The following VAV3 variants were observed in gnomAD, a reference collection of about 807,000 sequenced individuals.
The protein encoded by VAV3 is guanine nucleotide exchange factor VAV3.
VAV3 carries 94 observed loss-of-function variants against 131.2 expected under a neutral mutation model. That is an observed-to-expected ratio of 0.72 (90% CI 0.61 to 0.85). The LOEUF is 0.85. Among genes scored for constraint, VAV3 ranks in the 40% least tolerant of loss-of-function variants. The pLI is 0.00. For synonymous variants in VAV3, 349 were observed against 342.0 expected (o/e 1.02, Z -0.22); for missense variants, 939 against 1,002.7 (o/e 0.94, Z 0.86).
At chr1:107,628,289 T>C (rs1020780215) in intron 20 of VAV3, among the ~76,000 whole-genome samples, 3 of 152,106 alleles carry the variant, frequency 2.0e-5, no homozygotes, top group African/African-American at 7.2e-5. Flanking sequence ...AAAAAGCAAG[T>C]CACCTGGACT....
At chr1:107,932,528 T>A (rs1020290749) in intron 1 of VAV3, among the ~76,000 whole-genome samples, 3 of 152,224 alleles carry the variant, frequency 2.0e-5, no homozygotes, top group Admixed American at 6.5e-5. Context: ...GTAAGTATGC[T>A]GGTAGGCTGA....
At chr1:107,870,714 T>A (rs1253013178) in intron 2 of VAV3, among the ~76,000 whole-genome samples, 3 of 152,158 alleles carry the variant, frequency 2.0e-5, no homozygotes, top group Non-Finnish European at 4.4e-5. Context: ...GACTCACCCC[T>A]AAGCTGATGC....
At chr1:107,826,244 G>C (rs1668007963) in intron 2 of VAV3, among the ~76,000 whole-genome samples, 1 of 152,008 alleles carries the variant, frequency 6.6e-6, no homozygotes, top group Non-Finnish European at 1.5e-5. Context: ...GTTATAATAG[G>C]CAAGCTGGAG....
rs757114114 is a variant in VAV3, at chr1:107,874,888, GAAGTAT to G, written c.321+7_321+12del. 1.1e-4 allele frequency: 169 copies of G among 1,603,754 alleles called. No individual in the cohort carries two copies. In the African/African-American group the frequency reaches 1.9e-3, roughly 18 times the overall value. On this transcript the variant is annotated splice_region_variant and intron_variant, in intron 2 of 26. Transcript: ENST00000370056. ...CCAGTTAAAAAGTAGTGTTAAAAAT[GAAGTAT>G]AATTACCTTTCCAAAGTCACGAACA...
chr1:107,878,162 G>A (rs1571081505), intron 1 of VAV3, among the ~76,000 whole-genome samples: 1 of 152,106 alleles, frequency 6.6e-6, no homozygotes. Context: ...ATTTATAAAT[G>A]TATTATGTTC....
chr1:107,860,060 CA>C (rs1669664815), intron 2 of VAV3, among the ~76,000 whole-genome samples: 1 of 152,062 alleles, frequency 6.6e-6, no homozygotes, highest in Non-Finnish European at 1.5e-5. Flanking sequence ...TTAAATTGTT[CA>C]GCAAAAATAG....
intron 15 of VAV3, among the ~76,000 whole-genome samples, chr1:107,728,936 C>A (rs1472073299): frequency 6.6e-6 from 1 of 152,144 alleles, no homozygotes; most frequent in Admixed American, 6.6e-5. Flanking sequence ...TGCAGAAAAT[C>A]CATTAGGTTG....
At chr1:107,873,192 C>T (rs1670329724) in intron 2 of VAV3, among the ~76,000 whole-genome samples, 1 of 152,130 alleles carries the variant, frequency 6.6e-6, no homozygotes, top group Admixed American at 6.6e-5. Flanking sequence ...TATGCTTTCA[C>T]ATTCAATTTT....
At position 107,748,996 on chromosome 1, in the gene VAV3, T is replaced by G. The variant is rs753555981; in HGVS notation, c.1474A>C (p.Lys492Gln). The change falls in exon 15 of 27, where the codon AAA (lysine) becomes CAA (glutamine). Residue 492 changes from lysine (K) to glutamine (Q), a missense_variant. Coordinates refer to ENST00000370056, the MANE Select transcript of VAV3 (RefSeq NM_006113.5). ...GCCATTTCAAACTGTTCTAGCCATT[T>G]CTTCTTTAAATCTTTTGTTTTGCAA... ...FYCKTKDLKK[K>Q]WLEQFEMALS... 6.2e-7 allele frequency: 1 copy of G among 1,611,342 alleles called. No homozygotes were observed. Among genetic ancestry groups the G allele is most frequent in the South Asian group, 1.1e-5 (1 of 90,626 alleles).
At chr1:107,643,467 A>G (rs1004257128) in intron 19 of VAV3, among the ~76,000 whole-genome samples, 2 of 152,186 alleles carry the variant, frequency 1.3e-5, no homozygotes, top group African/African-American at 4.8e-5. Context: ...TCAATTGAAC[A>G]TGGGTCTAGG....
At chr1:107,767,684 T>C (rs903655772) in intron 7 of VAV3, among the ~76,000 whole-genome samples, 1 of 152,190 alleles carries the variant, frequency 6.6e-6, no homozygotes, top group African/African-American at 2.4e-5. Flanking sequence ...AAAGCTTATA[T>C]ACATTTATCA....
intron 25 of VAV3, among the ~76,000 whole-genome samples, chr1:107,582,660 G>C (rs1005409796): frequency 6.7e-6 from 1 of 150,232 alleles, no homozygotes; most frequent in Non-Finnish European, 1.5e-5. Context: ...AGAATATGTG[G>C]TGTTTGGTTT....
intron 2 of VAV3, chr1:107,785,495 A>G (rs1413007188): frequency 2.3e-6 from 3 of 1,321,110 alleles, no homozygotes; most frequent in Non-Finnish European, 3.0e-6. Flanking sequence ...AGGCAGCTGC[A>G]TGCTAGAGCC....
At chr1:107,629,263 T>C (rs957551670) in intron 20 of VAV3, among the ~76,000 whole-genome samples, 1 of 152,248 alleles carries the variant, frequency 6.6e-6, no homozygotes, top group Admixed American at 6.5e-5. Context: ...ATAGATGACA[T>C]GGCTTAATTT....
At chr1:107,854,357 G>A (rs1056517334) in intron 2 of VAV3, among the ~76,000 whole-genome samples, 14 of 151,996 alleles carry the variant, frequency 9.2e-5, no homozygotes, top group South Asian at 2.1e-4. Flanking sequence ...GACATAAGCC[G>A]ACACCACCCT....
intron 2 of VAV3, among the ~76,000 whole-genome samples, chr1:107,788,320 C>T (rs1666124888): frequency 6.6e-6 from 1 of 152,008 alleles, no homozygotes; most frequent in Non-Finnish European, 1.5e-5. Flanking sequence ...AGAGAAGTCC[C>T]CAGGAGCTGC....
intron 1 of VAV3, among the ~76,000 whole-genome samples, chr1:107,900,309 A>AAGTT (rs1250097434): frequency 6.6e-6 from 1 of 152,136 alleles, no homozygotes; most frequent in Non-Finnish European, 1.5e-5. Context: ...CGTCAGGAGG[A>AAGTT]AGTTACCTTT....
intron 2 of VAV3, among the ~76,000 whole-genome samples, chr1:107,815,401 AC>A (rs1433606493): frequency 6.6e-6 from 1 of 152,220 alleles, no homozygotes. Flanking sequence ...AGGCTGAAGT[AC>A]AGGATAATTG....
Position 107,796,798 on chromosome 1 carries a change from A to ATAT in VAV3, c.322-17307_322-17306insATA, listed in dbSNP as rs1553210366. Reference sequence around the variant, plus strand: ...AGACATGCTGTTATTTGTAAAAAAAAAAAAAAATATATATATATATGCAAA... The same window carrying ATAT: ...AGACATGCTGTTATTTGTAAAAAAAATATAAAAAAATATATATATATATGCAAA... On this transcript the variant is annotated intron_variant, in intron 2 of 26. Transcript: ENST00000370056. 4.4e-4 allele frequency among the ~76,000 whole-genome samples: 48 copies of ATAT among 108,058 alleles called. No individual in the cohort carries two copies. The East Asian group carries it at 9.7e-3, about 22-fold the overall frequency. 70.9% of individuals were successfully genotyped at this position (108,058 alleles called of 152,430 possible).
Sources: gnomAD v4.1 joint callset for allele counts (sites outside exome capture counted in the v4.1 genomes callset) on GRCh38, gnomAD v4.1.1 for gene constraint, MANE v1.5 for transcripts, NCBI Gene and HGNC (gene_info 2026-07-23, HGNC 2026-07-21) for gene names.